The following MARCHF11 variants were observed in gnomAD, a reference collection of about 807,000 sequenced individuals.
The protein encoded by MARCHF11 is membrane associated ring-CH-type finger 11, also known as E3 ubiquitin-protein ligase MARCHF11.
Under a neutral mutation model 37.3 loss-of-function variants are expected in MARCHF11, and 29 were observed. The ratio of observed to expected loss-of-function variants is 0.78; its 90% confidence interval spans 0.58 to 1.06. MARCHF11 has a LOEUF of 1.06. Ranked by LOEUF, MARCHF11 falls within the 50% of genes least tolerant of loss-of-function variation. MARCHF11 has a pLI of 0.00. For missense variants in MARCHF11, 482 were observed against 533.4 expected (o/e 0.90, Z 0.95); for synonymous variants, 233 against 228.0 (o/e 1.02, Z -0.20).
intron 2 of MARCHF11, among the ~76,000 whole-genome samples, chr5:16,168,868 T>C (rs772660251): frequency 6.6e-6 from 1 of 152,070 alleles, no homozygotes; most frequent in Admixed American, 6.6e-5. Context: ...TTAAAAAAAA[T>C]AGGGCACTTG....
At chr5:16,159,597 T>C (rs1420506392) in intron 2 of MARCHF11, among the ~76,000 whole-genome samples, 1 of 152,010 alleles carries the variant, frequency 6.6e-6, no homozygotes, top group Non-Finnish European at 1.5e-5. Context: ...AATTGCTTTA[T>C]ACCTCTGAAA....
At chr5:16,130,352 G>A (rs756326338) in intron 2 of MARCHF11, among the ~76,000 whole-genome samples, 2 of 151,612 alleles carry the variant, frequency 1.3e-5, no homozygotes, top group African/African-American at 4.8e-5. Context: ...TGAGCACTTC[G>A]ATAAGATTCA....
intron 3 of MARCHF11, among the ~76,000 whole-genome samples, chr5:16,090,059 T>C (rs1044429720): frequency 4.6e-5 from 7 of 152,166 alleles, no homozygotes; most frequent in African/African-American, 1.7e-4. Context: ...CTGATGTTCC[T>C]AATTCAGTAG....
In MARCHF11 at chr5:16,109,103, T is replaced by TACACACACACAC. The variant is rs3031633; in HGVS notation, c.694-18034_694-18023dup. Among the ~76,000 whole-genome samples, 1,105 of 141,396 alleles carry TACACACACACAC rather than the reference T, an allele frequency of 7.8e-3. 23 individuals carry two copies. The highest frequency in any genetic ancestry group is 0.027 in the African/African-American group (1,020 of 38,272). 92.8% of individuals were successfully genotyped at this position (141,396 alleles called of 152,430 possible). A position where few individuals can be genotyped will look rare whatever the true frequency, so the allele number is the denominator to read the frequency against. ...CTTGGAGCATCTGTGACATAAGAAATACACACACACACACACACACACACA... is the reference window on the plus strand; with the variant it reads ...CTTGGAGCATCTGTGACATAAGAAATACACACACACACACACACACACACACACACACACACA... On this transcript the variant is annotated intron_variant, in intron 2 of 3. Coordinates refer to ENST00000332432, the MANE Select transcript of MARCHF11 (RefSeq NM_001102562.3).
intron 2 of MARCHF11, among the ~76,000 whole-genome samples, chr5:16,137,862 G>A (rs1471604081): frequency 6.6e-6 from 1 of 152,054 alleles, no homozygotes; most frequent in Non-Finnish European, 1.5e-5. Context: ...GATGATTTAG[G>A]GTATCTGGCA....
chr5:16,159,309 C>T (rs1738033806), intron 2 of MARCHF11, among the ~76,000 whole-genome samples: 1 of 151,920 alleles, frequency 6.6e-6, no homozygotes, highest in South Asian at 2.1e-4. Context: ...ACTTGAAACC[C>T]ACAGTTAAAT....
At chr5:16,150,640 T>G (rs1737874638) in intron 2 of MARCHF11, among the ~76,000 whole-genome samples, 1 of 137,022 alleles carries the variant, frequency 7.3e-6, no homozygotes, top group African/African-American at 3.6e-5. Context: ...GCTCATCCTC[T>G]GAATTTCCTC....
intron 2 of MARCHF11, among the ~76,000 whole-genome samples, chr5:16,169,025 C>T (rs1318928485): frequency 6.6e-6 from 1 of 151,920 alleles, no homozygotes; most frequent in African/African-American, 2.4e-5. Flanking sequence ...AAGAAAAATC[C>T]CCTCACATTG....
At chr5:16,154,654 T>C (rs1737937729) in intron 2 of MARCHF11, among the ~76,000 whole-genome samples, 1 of 151,930 alleles carries the variant, frequency 6.6e-6, no homozygotes, top group East Asian at 1.9e-4. Flanking sequence ...TAAAAATTAA[T>C]GTCTGATTTC....
intron 2 of MARCHF11, among the ~76,000 whole-genome samples, chr5:16,154,210 A>G: frequency 6.6e-6 from 1 of 151,956 alleles, no homozygotes; most frequent in Non-Finnish European, 1.5e-5. Context: ...CTGTAGCTAC[A>G]CGTCTAGCAA....
intron 2 of MARCHF11, among the ~76,000 whole-genome samples, chr5:16,139,318 G>A (rs973694199): frequency 6.6e-6 from 1 of 152,156 alleles, no homozygotes; most frequent in Non-Finnish European, 1.5e-5. Context: ...GCTCTTTATT[G>A]CTGGCCACCA....
chr5:16,116,392 T>C (rs1737226797), intron 2 of MARCHF11, among the ~76,000 whole-genome samples: 1 of 152,176 alleles, frequency 6.6e-6, no homozygotes, highest in Admixed American at 6.6e-5. Context: ...GGAGTTGAGA[T>C]TGCACAGTTT....
intron 2 of MARCHF11, among the ~76,000 whole-genome samples, chr5:16,095,362 G>A (rs2126559786): frequency 6.6e-6 from 1 of 152,106 alleles, no homozygotes; most frequent in Middle Eastern, 3.4e-3. Context: ...CAGCGAGGAG[G>A]GCTAAATGTT....
chr5:16,149,332 T>C (rs1446569375), intron 2 of MARCHF11, among the ~76,000 whole-genome samples: 2 of 152,152 alleles, frequency 1.3e-5, no homozygotes, highest in Non-Finnish European at 2.9e-5. Flanking sequence ...GGAATCCTTT[T>C]ACATTATGGA....
intron 3 of MARCHF11, among the ~76,000 whole-genome samples, chr5:16,081,836 C>T (rs1736614830): frequency 6.6e-6 from 1 of 152,176 alleles, no homozygotes. Flanking sequence ...TGTTTTCCCC[C>T]CTTGAGGGGG....
intron 3 of MARCHF11, among the ~76,000 whole-genome samples, chr5:16,079,246 T>A (rs1226197668): frequency 1.5e-4 from 23 of 152,176 alleles, no homozygotes. Flanking sequence ...CCCATCCCAT[T>A]GTTGACAACC....
intron 3 of MARCHF11, among the ~76,000 whole-genome samples, chr5:16,084,359 T>A (rs1460239160): frequency 1.3e-5 from 2 of 152,208 alleles, no homozygotes. Flanking sequence ...AGAATTTACA[T>A]AGGCCAGGTG....
At chr5:16,148,701 T>A (rs775645105) in intron 2 of MARCHF11, among the ~76,000 whole-genome samples, 13 of 152,120 alleles carry the variant, frequency 8.5e-5, no homozygotes, top group Non-Finnish European at 1.6e-4. Context: ...CCCTCCATTA[T>A]AATGCTTTGT....
intron 2 of MARCHF11, among the ~76,000 whole-genome samples, chr5:16,176,396 GTTTTTCAAGAC>G (rs1738363882): frequency 6.6e-6 from 1 of 152,096 alleles, no homozygotes; most frequent in Non-Finnish European, 1.5e-5. Flanking sequence ...GGTTTCATCT[GTTTTTCAAGAC>G]AACTATGATG....
Sources: gnomAD v4.1 joint callset for allele counts (sites outside exome capture counted in the v4.1 genomes callset) on GRCh38, gnomAD v4.1.1 for gene constraint, MANE v1.5 for transcripts, NCBI Gene and HGNC (gene_info 2026-07-23, HGNC 2026-07-21) for gene names.